NEK1: variants seen among roughly 807,000 people sequenced by gnomAD.
The protein encoded by NEK1 is serine/threonine-protein kinase Nek1.
In NEK1, 137 loss-of-function variants were observed where a neutral mutation model predicts 182.1. The ratio of observed to expected loss-of-function variants is 0.75; its 90% CI spans 0.65 to 0.87. NEK1 has a LOEUF of 0.87. Among genes scored for constraint, NEK1 ranks in the 40% least tolerant of loss-of-function variants. The pLI is 0.00. For missense variants in NEK1, 1,391 were observed against 1,494.4 expected (o/e 0.93, Z 1.14); for synonymous variants, 513 against 492.2 (o/e 1.04, Z -0.56).
intron 35 of NEK1, among the ~76,000 whole-genome samples, chr4:169,397,747 T>C (rs993718303): frequency 1.3e-5 from 2 of 152,188 alleles, no homozygotes; most frequent in Admixed American, 1.3e-4. Flanking sequence ...TGTAGGCTTA[T>C]ATCCTTTTGA....
intron 26 of NEK1, among the ~76,000 whole-genome samples, chr4:169,475,183 C>T (rs1579995836): frequency 6.6e-6 from 1 of 152,154 alleles, no homozygotes; most frequent in East Asian, 1.9e-4. Flanking sequence ...AAGAGAATTC[C>T]AGAGACCTGC....
chr4:169,504,750 A>T (rs2149681515), intron 23 of NEK1, among the ~76,000 whole-genome samples: 1 of 152,298 alleles, frequency 6.6e-6, no homozygotes, highest in South Asian at 2.1e-4. Flanking sequence ...AGTGCATGAA[A>T]GTGGGAATGG....
chr4:169,445,865 T>TATATACATACACACAC (rs569539235), intron 27 of NEK1, among the ~76,000 whole-genome samples: 1 of 143,220 alleles, frequency 7.0e-6, no homozygotes, highest in South Asian at 2.2e-4. Flanking sequence ...TATATATATA[T>TATATACATACACACAC]ACACACACAC....
At position 169,500,392 on chromosome 4, in the gene NEK1, G is replaced by A. The variant is rs142354502; in HGVS notation, c.2007+6645C>T. On this transcript the variant is annotated intron_variant, in intron 23 of 35. Coordinates refer to ENST00000507142, the MANE Select transcript of NEK1 (RefSeq NM_001199397.3). ...CCCTGCTTCGGTTCATGCTCGGTGC[G>A]CTGCACCCACTGTCCTGCACCCACT... Among the ~76,000 whole-genome samples the A allele has an allele frequency of 9.1e-4, 139 of 152,262 alleles. 1 individual carries two copies. The highest frequency in any genetic ancestry group is 5.4e-3 in the South Asian group (26 of 4,824).
intron 26 of NEK1, among the ~76,000 whole-genome samples, chr4:169,464,463 C>T (rs572085838): frequency 6.6e-6 from 1 of 151,950 alleles, no homozygotes. Flanking sequence ...GTCTTTTTGT[C>T]CTTGGGGATG....
intron 19 of NEK1, among the ~76,000 whole-genome samples, chr4:169,527,056 T>C (rs926858631): frequency 2.0e-5 from 3 of 152,116 alleles, no homozygotes; most frequent in Non-Finnish European, 4.4e-5. Flanking sequence ...GAAAAAATAC[T>C]GAAAGCGTCC....
intron 12 of NEK1, among the ~76,000 whole-genome samples, chr4:169,570,795 A>T (rs571813968): frequency 7.9e-5 from 12 of 152,324 alleles, no homozygotes; most frequent in African/African-American, 2.6e-4. Context: ...GTGTAGAAAG[A>T]AGTAGACATG....
At chr4:169,425,258 C>T (rs978748080) in intron 30 of NEK1, among the ~76,000 whole-genome samples, 1 of 152,092 alleles carries the variant, frequency 6.6e-6, no homozygotes, top group South Asian at 2.1e-4. Context: ...GAGACTACGT[C>T]TCCACAAAAA....
chr4:169,604,616 T>C (rs1251278231), intron 2 of NEK1, among the ~76,000 whole-genome samples: 1 of 152,230 alleles, frequency 6.6e-6, no homozygotes, highest in Non-Finnish European at 1.5e-5. Flanking sequence ...AAAATCCATG[T>C]TCTTATCTCA....
At chr4:169,535,716 T>TCCA (rs1758374126) in intron 19 of NEK1, among the ~76,000 whole-genome samples, 2 of 150,890 alleles carry the variant, frequency 1.3e-5, no homozygotes, top group Admixed American at 1.3e-4. Context: ...CTGTCTCTAC[T>TCCA]AAAAATACAA....
chr4:169,435,791 C>T, intron 28 of NEK1, among the ~76,000 whole-genome samples: 1 of 152,142 alleles, frequency 6.6e-6, no homozygotes, highest in East Asian at 1.9e-4. Flanking sequence ...CATTTTGCGT[C>T]TTCCAAAAAA....
At chr4:169,530,756 C>CG (rs1253419551) in intron 19 of NEK1, among the ~76,000 whole-genome samples, 20 of 149,666 alleles carry the variant, frequency 1.3e-4, no homozygotes, top group African/African-American at 4.9e-4. Context: ...TAAGGGTTGG[C>CG]GGGGGGTGAT....
chr4:169,399,653 G>T (rs1731318352), intron 35 of NEK1, among the ~76,000 whole-genome samples: 1 of 152,008 alleles, frequency 6.6e-6, no homozygotes, highest in Admixed American at 6.6e-5. Context: ...ACAGGGTCTG[G>T]CTTTGTCACC....
intron 31 of NEK1, among the ~76,000 whole-genome samples, chr4:169,417,289 A>C (rs1332081396): frequency 6.6e-6 from 1 of 152,242 alleles, no homozygotes; most frequent in African/African-American, 2.4e-5. Context: ...ACAGAGAGGC[A>C]GTCAATGCCA....
chr4:169,482,685 G>A (rs1020700407), intron 23 of NEK1, among the ~76,000 whole-genome samples: 2 of 151,790 alleles, frequency 1.3e-5, no homozygotes, highest in African/African-American at 2.4e-5. Flanking sequence ...CCAGGCTGGA[G>A]TGCAATGGGG....
intron 23 of NEK1, among the ~76,000 whole-genome samples, chr4:169,499,563 C>A (rs546967173): frequency 3.3e-4 from 50 of 152,066 alleles, no homozygotes; most frequent in Non-Finnish European, 6.3e-4. Flanking sequence ...ATGATGGTGA[C>A]ATACAGATGG....
chr4:169,496,357 A>G (rs1751283421), intron 23 of NEK1, among the ~76,000 whole-genome samples: 2 of 151,464 alleles, frequency 1.3e-5, no homozygotes, highest in South Asian at 2.1e-4. Context: ...AAACAGGGAC[A>G]ATTTGACTTC....
At chr4:169,564,332 C>T (rs538395696) in intron 12 of NEK1, among the ~76,000 whole-genome samples, 1 of 152,170 alleles carries the variant, frequency 6.6e-6, no homozygotes, top group South Asian at 2.1e-4. Context: ...TGGTCATTTA[C>T]ATTATTAGTA....
chr4:169,438,180 G>T lies in NEK1; in HGVS notation c.2667C>A (p.Asn889Lys). The T allele has an allele frequency of 6.2e-7, 1 of 1,601,142 alleles. No individual in the cohort carries two copies. The highest frequency in any genetic ancestry group is 8.5e-7 in the Non-Finnish European group (1 of 1,172,742). ...KKVQCISHEI[N>K]PSAIVDSPVE... is the part of the protein sequence containing the mutation. Reference sequence around the variant, plus strand: ...CAGGAGAATCAACAATAGCTGATGGGTTTATTTCATGTGAAATACATTGTA... The same window carrying T: ...CAGGAGAATCAACAATAGCTGATGGTTTTATTTCATGTGAAATACATTGTA... The change falls in exon 28 of 36, where the codon AAC becomes AAA. Residue 889 changes from asparagine (N) to lysine (K), a missense_variant. Physicochemically the swap from Asn to Lys is moderately conservative, Grantham distance 94. Transcript: ENST00000507142.
Sources: gnomAD v4.1 joint callset for allele counts (sites outside exome capture counted in the v4.1 genomes callset) on GRCh38, gnomAD v4.1.1 for gene constraint, MANE v1.5 for transcripts, NCBI Gene and HGNC (gene_info 2026-07-23, HGNC 2026-07-21) for gene names.